The following CSMD1 variants were observed in gnomAD, a reference collection of about 807,000 sequenced individuals.
CSMD1 encodes CUB and Sushi multiple domains 1.
CSMD1 carries 213 observed loss-of-function variants against 417.5 expected under a neutral mutation model. The ratio of observed to expected loss-of-function variants is 0.51; its 90% CI spans 0.46 to 0.57. The LOEUF (loss-of-function observed/expected upper bound fraction) is 0.57. Among genes scored for constraint, CSMD1 ranks in the 20% least tolerant of loss-of-function variants. The pLI, the probability that CSMD1 is intolerant of heterozygous loss-of-function variation, is 0.00. For synonymous variants in CSMD1, 2,862 were observed against 1,736.8 expected, an observed-to-expected ratio of 1.65 and a Z score of -16.11; for missense variants, 6,923 against 4,529.7, an observed-to-expected ratio of 1.53 and a Z score of -15.17.
intron 10 of CSMD1, among the ~76,000 whole-genome samples, chr8:3,524,638 G>C (rs771595152): frequency 7.5e-5 from 11 of 146,736 alleles, no homozygotes; most frequent in Non-Finnish European, 1.3e-4. Flanking sequence ...CACCCAGAGA[G>C]ACATGTGCAC....
At position 3,063,657 on chromosome 8, in the gene CSMD1, G is replaced by A. The variant is rs79326430; in HGVS notation, c.7475-11010C>T. The stretch of plus-strand genomic sequence containing the variant: ...TGGGTTATTACTCAGTCTTAAAAAG[G>A]AAGGGAATTCTGACACACCACATGC... On this transcript the variant is annotated intron_variant, in intron 49 of 69. Coordinates refer to ENST00000635120, the MANE Select transcript of CSMD1 (RefSeq NM_033225.6). Among the ~76,000 whole-genome samples the A allele has an allele frequency of 1.4e-3, 210 of 152,324 alleles. No individual in the cohort carries two copies. The East Asian group carries it at 0.033, about 24-fold the overall frequency.
intron 50 of CSMD1, 119 bp from the exon 51 acceptor site, chr8:3,029,632 C>T (rs1052100720): frequency 3.9e-6 from 3 of 763,374 alleles, no homozygotes; most frequent in Non-Finnish European, 6.3e-6. Flanking sequence ...AAAGTTGATG[C>T]CATTACGTAT....
chr8:3,296,384 G>C (rs1260187178), intron 25 of CSMD1, among the ~76,000 whole-genome samples: 1 of 152,110 alleles, frequency 6.6e-6, no homozygotes, highest in Non-Finnish European at 1.5e-5. Flanking sequence ...GAAGAGCTGA[G>C]AGCAGAGAAG....
intron 10 of CSMD1, among the ~76,000 whole-genome samples, chr8:3,508,747 T>C (rs918031763): frequency 1.3e-5 from 2 of 152,198 alleles, no homozygotes; most frequent in Non-Finnish European, 1.5e-5. Context: ...AAAATTATCA[T>C]TCTATTTAGA....
At chr8:4,777,404 G>T (rs1346196423) in intron 1 of CSMD1, among the ~76,000 whole-genome samples, 3 of 152,118 alleles carry the variant, frequency 2.0e-5, no homozygotes, top group East Asian at 1.9e-4. Flanking sequence ...ATGTCTCAGG[G>T]GGACATCTCA....
At chr8:3,677,852 C>T (rs567694217) in intron 7 of CSMD1, among the ~76,000 whole-genome samples, 2 of 152,076 alleles carry the variant, frequency 1.3e-5, no homozygotes, top group African/African-American at 4.8e-5. Flanking sequence ...TAACTCTAAA[C>T]CCCCTTGCTG....
At chr8:4,324,242 C>G (rs576630180) in intron 3 of CSMD1, among the ~76,000 whole-genome samples, 1 of 152,186 alleles carries the variant, frequency 6.6e-6, no homozygotes, top group African/African-American at 2.4e-5. Flanking sequence ...TTTCCCTACA[C>G]CAAGAATGTG....
intron 2 of CSMD1, among the ~76,000 whole-genome samples, chr8:4,446,721 G>A (rs992754179): frequency 1.4e-5 from 2 of 145,398 alleles, no homozygotes; most frequent in African/African-American, 5.2e-5. Context: ...CCTGAGTTGT[G>A]TGTGTGTGTG....
At chr8:3,766,940 G>A (rs940542315) in intron 5 of CSMD1, among the ~76,000 whole-genome samples, 2 of 152,102 alleles carry the variant, frequency 1.3e-5, no homozygotes, top group Admixed American at 6.5e-5. Context: ...GAGTCCGACG[G>A]CAACAGATGC....
At chr8:3,399,937 C>G (rs568896462) in intron 15 of CSMD1, among the ~76,000 whole-genome samples, 11 of 152,220 alleles carry the variant, frequency 7.2e-5, no homozygotes, top group African/African-American at 2.6e-4. Context: ...TATACACACC[C>G]TTAGGTGTGT....
At chr8:3,047,012 A>G (rs1811492111) in intron 50 of CSMD1, among the ~76,000 whole-genome samples, 1 of 150,566 alleles carries the variant, frequency 6.6e-6, no homozygotes. Context: ...GTTTGAGACC[A>G]GCCTGGCCAA....
At chr8:4,901,952 G>C (rs1804898328) in intron 1 of CSMD1, among the ~76,000 whole-genome samples, 1 of 152,080 alleles carries the variant, frequency 6.6e-6, no homozygotes, top group South Asian at 2.1e-4. Context: ...TTCACAACCA[G>C]AGGTCAAATA....
At chr8:4,908,167 C>A (rs1284690179) in intron 1 of CSMD1, among the ~76,000 whole-genome samples, 2 of 152,100 alleles carry the variant, frequency 1.3e-5, no homozygotes. Flanking sequence ...CCTTTCAAAA[C>A]TTTAAATATT....
chr8:4,951,607 G>GT (rs1479470074), intron 1 of CSMD1, among the ~76,000 whole-genome samples: 76 of 151,120 alleles, frequency 5.0e-4, no homozygotes, highest in African/African-American at 1.7e-3. Flanking sequence ...AACCTGCGGG[G>GT]TTTTTTTAAT....
At chr8:3,175,523 TC>T (rs1820877802) in intron 37 of CSMD1, among the ~76,000 whole-genome samples, 1 of 142,148 alleles carries the variant, frequency 7.0e-6, no homozygotes, top group Admixed American at 7.0e-5. Flanking sequence ...TTTCCTTCCT[TC>T]CTTCCTTCCT....
intron 54 of CSMD1, among the ~76,000 whole-genome samples, chr8:2,996,267 C>T (rs138464835): frequency 4.6e-5 from 7 of 152,128 alleles, no homozygotes; most frequent in South Asian, 2.1e-4. Flanking sequence ...CATATAAACA[C>T]GTAATTTAGT....
intron 54 of CSMD1, among the ~76,000 whole-genome samples, chr8:2,980,182 G>A (rs1457031440): frequency 6.6e-6 from 1 of 152,214 alleles, no homozygotes; most frequent in Admixed American, 6.5e-5. Context: ...TTCAAACTGT[G>A]TTTGTAATCA....
chr8:3,930,025 T>G (rs879298010), intron 5 of CSMD1, among the ~76,000 whole-genome samples: 2 of 150,378 alleles, frequency 1.3e-5, no homozygotes, highest in Non-Finnish European at 3.0e-5. Flanking sequence ...CTTCTTACAC[T>G]GGTTTATATA....
chr8:3,351,112 C>G (rs1008690336), intron 21 of CSMD1, among the ~76,000 whole-genome samples: 3 of 152,190 alleles, frequency 2.0e-5, no homozygotes, highest in African/African-American at 7.2e-5. Context: ...CTCTCATAAC[C>G]TGAGATGCAA....
Sources: gnomAD v4.1 joint callset for allele counts (sites outside exome capture counted in the v4.1 genomes callset) on GRCh38, gnomAD v4.1.1 for gene constraint, MANE v1.5 for transcripts, NCBI Gene and HGNC (gene_info 2026-07-23, HGNC 2026-07-21) for gene names.